Variants in ABCA4 observed in about 807,000 individuals in gnomAD.
The protein encoded by ABCA4 is ATP binding cassette subfamily A member 4, also known as retinal-specific phospholipid-transporting ATPase ABCA4.
ABCA4 carries 196 observed loss-of-function variants against 263.7 expected under a neutral mutation model. The observed-to-expected ratio is 0.74, with a 90% CI of 0.66 to 0.84. The LOEUF is 0.84. ABCA4 is among the 40% of genes least tolerant of loss of function. ABCA4 has a pLI of 0.00. For missense variants in ABCA4, 2,792 were observed against 2,855.1 expected, an observed-to-expected ratio of 0.98 and a Z score of 0.50; for synonymous variants, 1,133 against 1,094.2, an observed-to-expected ratio of 1.04 and a Z score of -0.70.
In ABCA4 at chr1:94,029,628, C is replaced by A; in HGVS notation, c.4356G>T (p.Glu1452Asp). The A allele has an allele frequency of 1.2e-6, 2 of 1,613,232 alleles. No homozygotes were observed. ...NRCLKEGWLP[E>D]YPCGNSTPWK... ...AGGGTGTTGAGTTGCCACAGGGGTA[C>A]TCCCTCATGGAAGACAAGAAAATAT... The change falls in exon 30 of 50, where the codon GAG becomes GAT. Residue 1452 changes from glutamate (E) to aspartate (D), a missense_variant. Coordinates refer to ENST00000370225, the MANE Select transcript of ABCA4 (RefSeq NM_000350.3).
chr1:94,035,262 T>C (rs1660308416), intron 26 of ABCA4, among the ~76,000 whole-genome samples: 1 of 152,242 alleles, frequency 6.6e-6, no homozygotes, highest in Non-Finnish European at 1.5e-5. Context: ...CATATTTTCA[T>C]TCTGGTCTTG....
chr1:94,084,856 T>G (rs1244955435), intron 6 of ABCA4, among the ~76,000 whole-genome samples: 1 of 151,934 alleles, frequency 6.6e-6, no homozygotes, highest in African/African-American at 2.4e-5. Flanking sequence ...CATACAAGGG[T>G]GGGGCTGAGA....
chr1:94,089,319 C>T (rs1041285606), intron 6 of ABCA4, among the ~76,000 whole-genome samples: 3 of 152,120 alleles, frequency 2.0e-5, no homozygotes, highest in African/African-American at 4.8e-5. Flanking sequence ...TGCAAACAGG[C>T]TTTGGAATTT....
At chr1:94,091,058 T>A (rs1467242100) in intron 6 of ABCA4, among the ~76,000 whole-genome samples, 1 of 151,352 alleles carries the variant, frequency 6.6e-6, no homozygotes, top group Non-Finnish European at 1.5e-5. Context: ...GTGAAGAGAG[T>A]CAGCAAGAAA....
At chr1:94,077,910 AC>A (rs1428594624) in intron 10 of ABCA4, 23 bp from the exon 11 acceptor site, 1 of 1,600,764 alleles carries the variant, frequency 6.2e-7, no homozygotes, top group Non-Finnish European at 8.6e-7. Context: ...AAATACAGTC[AC>A]TGCTCTGCTT....
intron 24 of ABCA4, 120 bp from the exon 25 acceptor site, chr1:94,037,470 G>A (rs1198760134): frequency 7.7e-6 from 7 of 905,328 alleles, no homozygotes; most frequent in East Asian, 2.6e-5. Context: ...TTTGTATCTC[G>A]GCAGTGACTC....
At chr1:94,000,765 G>T in intron 47 of ABCA4, 71 bp downstream of exon 47, 1 of 1,499,160 alleles carries the variant, frequency 6.7e-7, no homozygotes, top group Non-Finnish European at 9.3e-7. Context: ...TCTTCCAAGT[G>T]TCAATGGAGA....
Position 93,997,765 on chromosome 1 carries a change from G to A in ABCA4, c.6729+96C>T, listed in dbSNP as rs1022651922. ...AGAGGGCAAGAGTTTGTTAAAAATCGGGAATGTTATGCCTCCCTCTTATGG... is the reference window on the plus strand; with the variant it reads ...AGAGGGCAAGAGTTTGTTAAAAATCAGGAATGTTATGCCTCCCTCTTATGG... On this transcript the variant is annotated intron_variant, in intron 48 of 49. Transcript: ENST00000370225. 20 of 1,504,574 alleles carry A rather than the reference G, an allele frequency of 1.3e-5. 1 individual carries two copies. In the South Asian group the frequency reaches 1.5e-4, roughly 12 times the overall value. The allele number at this position is 1,504,574 out of a possible 1,614,324, so 93.2% of individuals were successfully genotyped here. A position where few individuals can be genotyped will look rare whatever the true frequency, so the allele number is the denominator to read the frequency against.
Position 94,032,056 on chromosome 1 carries a change from A to T in ABCA4, c.3863-13T>A. Reference sequence around the variant, plus strand: ...TGCTGAGCGCCACCTGTTTTGAGAGATTGAATTAATAATTTGGAAAATGCC... The same window carrying T: ...TGCTGAGCGCCACCTGTTTTGAGAGTTTGAATTAATAATTTGGAAAATGCC... On this transcript the variant is annotated splice_polypyrimidine_tract_variant and intron_variant, in intron 26 of 49. Transcript: ENST00000370225. 1 of 1,606,718 alleles carries T rather than the reference A, an allele frequency of 6.2e-7. No homozygotes were observed. The highest frequency in any genetic ancestry group is 8.5e-7 in the Non-Finnish European group (1 of 1,179,958).
At chr1:94,092,570 G>C (rs929510129) in intron 6 of ABCA4, among the ~76,000 whole-genome samples, 2 of 152,164 alleles carry the variant, frequency 1.3e-5, no homozygotes, top group Non-Finnish European at 2.9e-5. Flanking sequence ...CATGTCAAAC[G>C]GTCTCTACCA....
chr1:94,091,619 A>G (rs910411701), intron 6 of ABCA4, among the ~76,000 whole-genome samples: 10 of 130,928 alleles, frequency 7.6e-5, no homozygotes. Context: ...ACACACACAC[A>G]CACACACAAT....
At chr1:94,057,190 T>C (rs536150557) in intron 14 of ABCA4, among the ~76,000 whole-genome samples, 43 of 152,172 alleles carry the variant, frequency 2.8e-4, no homozygotes, top group Non-Finnish European at 5.4e-4. Context: ...ATTTGCTTTG[T>C]TTTTCTTTGT....
chr1:93,997,833 A>G (rs755019908), intron 48 of ABCA4, 28 bp downstream of exon 48: 1 of 1,613,344 alleles, frequency 6.2e-7, no homozygotes, highest in South Asian at 1.1e-5. Context: ...GTCTTTGCTC[A>G]GCTCTCGGTG....
At chr1:94,011,202 G>C in intron 39 of ABCA4, 60 bp downstream of exon 39, 2 of 1,612,494 alleles carry the variant, frequency 1.2e-6, no homozygotes, top group Non-Finnish European at 8.5e-7. Context: ...GAGCCCCCCC[G>C]GTAACCCTCC....
At chr1:94,094,579 G>A (rs1477402999) in intron 6 of ABCA4, among the ~76,000 whole-genome samples, 1 of 152,206 alleles carries the variant, frequency 6.6e-6, no homozygotes, top group Non-Finnish European at 1.5e-5. Context: ...GCATTTAGGA[G>A]GGGGAAGGGA....
chr1:94,067,822 C>T (rs1028525185), intron 11 of ABCA4, among the ~76,000 whole-genome samples: 1 of 152,172 alleles, frequency 6.6e-6, no homozygotes, highest in Admixed American at 6.5e-5. Flanking sequence ...CTCACAACAA[C>T]CTTATGAGGT....
rs113596322 is a variant in ABCA4 at position 94,032,394 on chromosome 1, T to C, written c.3863-351A>G. Among the ~76,000 whole-genome samples the C allele has an allele frequency of 2.3e-4, 35 of 152,316 alleles. 1 individual carries two copies. The highest frequency in any genetic ancestry group is 7.2e-4 in the Admixed American group (11 of 15,302). ...GCTCACGCCTGTCATCTCAGCACTT[T>C]GGGAGGCTGAGGTGGATGGATCATT... On this transcript the variant is annotated intron_variant, in intron 26 of 49. Transcript: ENST00000370225.
intron 44 of ABCA4, among the ~76,000 whole-genome samples, chr1:94,004,646 T>G (rs1659320712): frequency 6.6e-6 from 1 of 152,216 alleles, no homozygotes; most frequent in African/African-American, 2.4e-5. Flanking sequence ...GTTTTCTTTT[T>G]GTTTTCATTT....
chr1:94,027,354 C>T (rs1468935913), intron 30 of ABCA4, among the ~76,000 whole-genome samples: 1 of 152,212 alleles, frequency 6.6e-6, no homozygotes, highest in Non-Finnish European at 1.5e-5. Flanking sequence ...TTGGCCTCCC[C>T]TCCCTCGCCC....
Sources: allele counts gnomAD v4.1 joint callset (sites outside exome capture counted in the v4.1 genomes callset), GRCh38; gene constraint gnomAD v4.1.1; transcripts MANE v1.5; gene names NCBI Gene and HGNC (gene_info 2026-07-23, HGNC 2026-07-21).